The following POLD1 variants were observed in gnomAD, a reference collection of about 807,000 sequenced individuals.
POLD1 encodes DNA polymerase delta 1, catalytic subunit.
In POLD1, 79 loss-of-function variants were observed where a neutral mutation model predicts 129.7. That is an observed-to-expected ratio of 0.61 (90% CI 0.51 to 0.73). POLD1 has a LOEUF of 0.73. Ranked by LOEUF, POLD1 falls within the 30% of genes least tolerant of loss-of-function variation. POLD1 has a pLI of 0.00. For synonymous variants in POLD1, 714 were observed against 683.3 expected, an observed-to-expected ratio of 1.04 and a Z score of -0.70; for missense variants, 1,338 against 1,595.8, an observed-to-expected ratio of 0.84 and a Z score of 2.75.
chr19:50,386,867 G>A (rs1048404950), intron 1 of POLD1, among the ~76,000 whole-genome samples: 2 of 152,202 alleles, frequency 1.3e-5, no homozygotes, highest in Non-Finnish European at 2.9e-5. Flanking sequence ...GGTGAGCCTG[G>A]GCAACATAGC....
In POLD1 at chr19:50,406,966, T is replaced by C. The variant is rs2122335116; in HGVS notation, c.1495-17T>C. The C allele has an allele frequency of 9.8e-7, 1 of 1,019,444 alleles. No individual in the cohort carries two copies. Among genetic ancestry groups the C allele is most frequent in the Non-Finnish European group, 1.4e-6 (1 of 709,912 alleles). 63.1% of individuals were successfully genotyped at this position (1,019,444 alleles called of 1,614,324 possible). A position where few individuals can be genotyped will look rare whatever the true frequency, so the allele number is the denominator to read the frequency against. On this transcript the variant is annotated splice_polypyrimidine_tract_variant and intron_variant, in intron 12 of 26. Coordinates refer to ENST00000440232, the MANE Select transcript of POLD1 (RefSeq NM_002691.4). The surrounding 1 kb of genome is among the most constrained non-coding windows in gnomAD (Gnocchi z 5.5). ...CCCCAACCCCTGGTCCCTGACCCCATCCGTGCCCATCCCCAGAATGGGAAC... is the reference window on the plus strand; with the variant it reads ...CCCCAACCCCTGGTCCCTGACCCCACCCGTGCCCATCCCCAGAATGGGAAC...
At chr19:50,388,514 C>T (rs2038044762) in intron 1 of POLD1, among the ~76,000 whole-genome samples, 1 of 152,082 alleles carries the variant, frequency 6.6e-6, no homozygotes, top group Non-Finnish European at 1.5e-5. Flanking sequence ...TACATACTCC[C>T]TGCATTAAAA....
At chr19:50,405,269 C>T (rs1389300401) in intron 10 of POLD1, among the ~76,000 whole-genome samples, 1 of 152,204 alleles carries the variant, frequency 6.6e-6, no homozygotes, top group Admixed American at 6.5e-5. Context: ...CCAGTGACCT[C>T]ATCTTCACTT....
chr19:50,406,909 C>A lies in POLD1; in HGVS notation c.1495-74C>A. On this transcript the variant is annotated intron_variant, in intron 12 of 26. Transcript: ENST00000440232. This position sits in a 1 kb window ranked among gnomAD's most constrained non-coding sequence, Gnocchi z 5.5. Reference sequence around the variant, plus strand: ...CCCTCCCCAGGCTACCTCACCCTGACCCCCACTTCCTTCTCCTGCTCCACC... The same window carrying A: ...CCCTCCCCAGGCTACCTCACCCTGAACCCCACTTCCTTCTCCTGCTCCACC... The A allele has an allele frequency of 1.6e-6, 2 of 1,272,800 alleles. No homozygotes were observed. The highest frequency in any genetic ancestry group is 1.1e-6 in the Non-Finnish European group (1 of 917,818). 78.8% of individuals were successfully genotyped at this position (1,272,800 alleles called of 1,614,324 possible).
Position 50,409,018 on chromosome 19 carries a change from C to A in POLD1, c.1893-104C>A. ...AGAGATAGTAGGGAGTGGAGGGGTG[C>A]TTGAGGGGCCTGCGTGTGCTCATGG... is the stretch of plus-strand genomic sequence containing the variant. On this transcript the variant is annotated intron_variant, in intron 15 of 26. Transcript: ENST00000440232. The surrounding 1 kb of genome is among the most constrained non-coding windows in gnomAD (Gnocchi z 5.8). 7.6e-7 allele frequency: 1 copy of A among 1,316,264 alleles called. No individual in the cohort carries two copies. The highest frequency in any genetic ancestry group is 1.1e-6 in the Non-Finnish European group (1 of 924,444). 81.5% of individuals were successfully genotyped at this position (1,316,264 alleles called of 1,614,324 possible).
intron 10 of POLD1, among the ~76,000 whole-genome samples, chr19:50,404,928 C>T (rs540801108): frequency 2.0e-5 from 3 of 152,200 alleles, no homozygotes; most frequent in South Asian, 2.1e-4. Context: ...CTTCCATGCC[C>T]GACTAATTTT....
chr19:50,407,421 G>T lies in POLD1; in HGVS notation c.1775+6G>T. 1 of 1,583,530 alleles carries T rather than the reference G, an allele frequency of 6.3e-7. No homozygotes were observed. Among genetic ancestry groups the T allele is most frequent in the Non-Finnish European group, 8.6e-7 (1 of 1,161,306 alleles). On this transcript the variant is annotated splice_donor_region_variant and intron_variant, in intron 14 of 26. Transcript: ENST00000440232. ...GTCATCGAGCCCCTCAAAGGGTGAG[G>T]CCCCAGGCTGGGTGCAGTTTTTACC...
chr19:50,409,398 G>T lies in POLD1; in HGVS notation c.2007-121G>T. 1 of 1,427,146 alleles carries T rather than the reference G, an allele frequency of 7.0e-7. No homozygotes were observed. The highest frequency in any genetic ancestry group is 9.7e-7 in the Non-Finnish European group (1 of 1,030,978). The allele number at this position is 1,427,146 out of a possible 1,614,324, so 88.4% of individuals were successfully genotyped here. A position where few individuals can be genotyped will look rare whatever the true frequency, so the allele number is the denominator to read the frequency against. ...CCTGGCAGCTTCCTTTTGCCCCCTT[G>T]GCCAGAAGCTTCTGTGCAGTGCACA... On this transcript the variant is annotated intron_variant, in intron 16 of 26. Coordinates refer to ENST00000440232, the MANE Select transcript of POLD1 (RefSeq NM_002691.4). This position sits in a 1 kb window ranked among gnomAD's most constrained non-coding sequence, Gnocchi z 5.8.
chr19:50,391,505 G>A (rs530254158), intron 1 of POLD1, among the ~76,000 whole-genome samples: 294 of 152,284 alleles, frequency 1.9e-3, no homozygotes, highest in Admixed American at 3.7e-3. Context: ...AGACCAGCCC[G>A]GCCAACACGG....
chr19:50,416,579 A>G (rs766400585), intron 23 of POLD1, 31 bp from the exon 24 acceptor site: 1 of 1,546,348 alleles, frequency 6.5e-7, no homozygotes, highest in South Asian at 1.2e-5. Context: ...AGAGGAGATC[A>G]CCGGCCCACC....
At chr19:50,398,713 G>A (rs2038462305) in intron 1 of POLD1, 138 bp from the exon 2 acceptor site, 1 of 1,387,402 alleles carries the variant, frequency 7.2e-7, no homozygotes, top group Non-Finnish European at 9.6e-7. Context: ...TGCCTGCAGG[G>A]TGCAGAGAGC....
In POLD1 at chr19:50,400,522, A is replaced by ATTTTTTTTT; in HGVS notation, c.316+1058_316+1066dup. Among the ~76,000 whole-genome samples, 37 of 63,522 alleles carry ATTTTTTTTT rather than the reference A, an allele frequency of 5.8e-4. 5 individuals carry two copies. The highest frequency in any genetic ancestry group is 2.7e-3 in the African/African-American group (32 of 12,050). The allele number at this position is 63,522 out of a possible 152,430, so 41.7% of individuals were successfully genotyped here. On this transcript the variant is annotated intron_variant, in intron 3 of 26. Transcript: ENST00000440232. ...AGGAGTGAGTAACTGTGCCCCGCCT[A>ATTTTTTTTT]TTTTTTTTTTTTTTTTTTTTTTTTT...
chr19:50,395,168 C>A (rs755606671), intron 1 of POLD1: 2 of 149,628 alleles, frequency 1.3e-5, no homozygotes, highest in Non-Finnish European at 3.0e-5. Flanking sequence ...TTAAAAACTT[C>A]TTTCTCTGAC....
At position 50,414,853 on chromosome 19, in the gene POLD1, C is replaced by CA. The variant is rs759027326; in HGVS notation, c.2427_2428insA (p.Ala810SerfsTer49). On this transcript the variant is annotated frameshift_variant, in exon 20 of 27. Coordinates refer to ENST00000440232, the MANE Select transcript of POLD1 (RefSeq NM_002691.4). LOFTEE classifies it high-confidence loss of function. ...ACCTGCTTATCAGCAAGAAGCGCTA[C>CA]GCGGGCCTGCTCTTCTCCTCCCGGC... 1 of 1,598,628 alleles carries CA rather than the reference C, an allele frequency of 6.3e-7. No individual in the cohort carries two copies. Among genetic ancestry groups the CA allele is most frequent in the Admixed American group, 1.7e-5 (1 of 58,770 alleles).
chr19:50,408,334 CA>C lies in POLD1; in HGVS notation c.1776-443del, dbSNP rs1365344116. On this transcript the variant is annotated intron_variant, in intron 14 of 26. Coordinates refer to ENST00000440232, the MANE Select transcript of POLD1 (RefSeq NM_002691.4). Reference sequence around the variant, plus strand: ...TGGGTGACAAAGCGAGACTCCGTCTCAAAAAAAATAAAATAAAATAAAATAG... The same window carrying C: ...TGGGTGACAAAGCGAGACTCCGTCTCAAAAAAATAAAATAAAATAAAATAG... Among the ~76,000 whole-genome samples the C allele has an allele frequency of 2.0e-5, 3 of 151,002 alleles. No individual in the cohort carries two copies. In the East Asian group the frequency reaches 5.8e-4, roughly 29 times the overall value.
chr19:50,398,288 A>C (rs908433928), intron 1 of POLD1, among the ~76,000 whole-genome samples: 2 of 152,146 alleles, frequency 1.3e-5, no homozygotes, highest in South Asian at 4.1e-4. Context: ...GAGATGTGCC[A>C]AGGCCGGGCG....
intron 10 of POLD1, among the ~76,000 whole-genome samples, chr19:50,404,042 AAG>A (rs1212170488): frequency 1.3e-5 from 2 of 152,146 alleles, no homozygotes; most frequent in African/African-American, 2.4e-5. Context: ...TGCTGTAACA[AAG>A]AGCCACAGAC....
chr19:50,385,026 A>G (rs144297171), intron 1 of POLD1, among the ~76,000 whole-genome samples: 2 of 152,124 alleles, frequency 1.3e-5, no homozygotes, highest in Admixed American at 6.5e-5. Context: ...CGGAGTCATG[A>G]TGGGGAACTA....
chr19:50,402,253 C>A lies in POLD1; in HGVS notation c.638C>A (p.Thr213Asn). The change falls in exon 6 of 27, where the codon ACC (threonine) becomes AAC (asparagine). Residue 213 changes from threonine to asparagine, a missense_variant. Thr to Asn is a moderately conservative substitution (Grantham distance 65). Transcript: ENST00000440232. ...GGCCCCTCCCCGTTCCTGCGCATCA[C>A]CGTGGCGCTGCCGCGCCTCGTGGCC... ...GHGPSPFLRI[T>N]VALPRLVAPA... The A allele has an allele frequency of 6.2e-7, 1 of 1,600,488 alleles. No individual in the cohort carries two copies. The highest frequency in any genetic ancestry group is 8.5e-7 in the Non-Finnish European group (1 of 1,172,620).
Sources: allele counts gnomAD v4.1 joint callset (sites outside exome capture counted in the v4.1 genomes callset), GRCh38; gene constraint gnomAD v4.1.1; non-coding constraint Gnocchi (gnomAD v3.1); transcripts MANE v1.5; gene names NCBI Gene and HGNC (gene_info 2026-07-23, HGNC 2026-07-21).